Variants in PCDHA10 observed in about 807,000 individuals in gnomAD.
PCDHA10 encodes the protein protocadherin alpha 10.
A neutral mutation model predicts 61.2 loss-of-function variants in PCDHA10; 45 were observed. That is an observed-to-expected ratio of 0.74 (90% CI 0.58 to 0.94). PCDHA10 has a LOEUF of 0.94. Ranked by LOEUF, PCDHA10 falls within the 40% of genes least tolerant of loss-of-function variation. The pLI is 0.00. For synonymous variants in PCDHA10, 602 were observed against 548.8 expected, an observed-to-expected ratio of 1.10 and a Z score of -1.35; for missense variants, 1,278 against 1,236.2, an observed-to-expected ratio of 1.03 and a Z score of -0.51.
intron 1 of PCDHA10, among the ~76,000 whole-genome samples, chr5:140,916,262 G>C (rs1379588605): frequency 6.6e-6 from 1 of 152,202 alleles, no homozygotes; most frequent in Non-Finnish European, 1.5e-5. Flanking sequence ...GACCCCAAGA[G>C]CATGCTTGTT....
intron 1 of PCDHA10, among the ~76,000 whole-genome samples, chr5:140,881,799 C>A (rs368456285): frequency 3.3e-5 from 5 of 152,282 alleles, no homozygotes; most frequent in Admixed American, 2.0e-4. Flanking sequence ...TGTCCCAAAA[C>A]GAGTGTCGAA....
intron 1 of PCDHA10, among the ~76,000 whole-genome samples, chr5:140,964,195 T>C (rs2095816434): frequency 6.6e-6 from 1 of 152,216 alleles, no homozygotes; most frequent in South Asian, 2.1e-4. Context: ...AAATAGAGTA[T>C]ACCATCTCTT....
chr5:140,857,717 G>T lies in PCDHA10; in HGVS notation c.1669G>T (p.Glu557Ter). Residue 557 changes from glutamate (E) to a stop codon, truncating the protein, a stop_gained, in exon 1 of 4, where the codon GAG (glutamate) becomes TAG (stop). Transcript: ENST00000307360. LOFTEE classifies it high-confidence loss of function. ...GACGCTGCAGGTGTTCGTGCTGGAC[G>T]AGAACGACAACGCTCCCGCGCTGCT... ...NLTLQVFVLD[E>*]NDNAPALLAS... 6.3e-7 allele frequency: 1 copy of T among 1,597,518 alleles called. No individual in the cohort carries two copies. Among genetic ancestry groups the T allele is most frequent in the Non-Finnish European group, 8.6e-7 (1 of 1,167,758 alleles).
At chr5:141,006,637 T>C (rs782585273) in intron 3 of PCDHA10, among the ~76,000 whole-genome samples, 8 of 152,118 alleles carry the variant, frequency 5.3e-5, no homozygotes, top group Non-Finnish European at 1.2e-4. Flanking sequence ...GCAATTCATA[T>C]AAGAGATGAT....
At chr5:140,946,631 T>TATATGTATATAC (rs57893927) in intron 1 of PCDHA10, among the ~76,000 whole-genome samples, 2 of 131,846 alleles carry the variant, frequency 1.5e-5, no homozygotes, top group Non-Finnish European at 3.1e-5. Flanking sequence ...TATATATATA[T>TATATGTATATAC]ACAATGGAAT....
At chr5:140,881,361 C>T (rs990387338) in intron 1 of PCDHA10, 4 of 985,122 alleles carry the variant, frequency 4.1e-6, no homozygotes, top group Non-Finnish European at 2.4e-6. Context: ...GCGTGGCTTT[C>T]GTATGAATTG....
rs548391443 is a variant in PCDHA10, at chr5:140,892,979, C to T, written c.2388+34543C>T. Among the ~76,000 whole-genome samples, 6 of 152,224 alleles carry T rather than the reference C, an allele frequency of 3.9e-5. No individual in the cohort carries two copies. The South Asian group carries it at 1.2e-3, about 32-fold the overall frequency. On this transcript the variant is annotated intron_variant, in intron 1 of 3. Transcript: ENST00000307360. ...GAGCTCAATAAAATTTTGTAGCTGC[C>T]GTATAAGTGAGAACATGTATTTATT...
chr5:140,955,297 T>C (rs2153705828), intron 1 of PCDHA10, among the ~76,000 whole-genome samples: 1 of 152,262 alleles, frequency 6.6e-6, no homozygotes, highest in East Asian at 1.9e-4. Context: ...TTTGGCTGTG[T>C]CCCCACCCAA....
intron 1 of PCDHA10, among the ~76,000 whole-genome samples, chr5:140,952,338 CAAAA>C (rs55931446): frequency 9.9e-4 from 134 of 134,976 alleles, no homozygotes; most frequent in Admixed American, 2.2e-3. Context: ...AACTCCATCT[CAAAA>C]AAAAAAAAAA....
chr5:140,980,039 C>T (rs2096874436), intron 2 of PCDHA10, among the ~76,000 whole-genome samples: 1 of 152,184 alleles, frequency 6.6e-6, no homozygotes, highest in South Asian at 2.1e-4. Context: ...ACATTGGGTG[C>T]TATTTCTGAT....
chr5:140,861,378 C>A, intron 1 of PCDHA10: 1 of 421,170 alleles, frequency 2.4e-6, no homozygotes. Flanking sequence ...CCCTATTGCG[C>A]AGGACCTGGG....
At chr5:140,919,359 G>T (rs188480486) in intron 1 of PCDHA10, among the ~76,000 whole-genome samples, 3 of 152,146 alleles carry the variant, frequency 2.0e-5, no homozygotes, top group African/African-American at 7.2e-5. Context: ...ATCTAAAAGT[G>T]TCTCCTGCAG....
Position 140,923,994 on chromosome 5 carries a change from C to T in PCDHA10, c.2389-54955C>T, listed in dbSNP as rs147193427. ...ACATACTATCCCTCTAGGTGCAGCT[C>T]AGAATTCCTAAACCTGGTATAATTG... On this transcript the variant is annotated intron_variant, in intron 1 of 3. Transcript: ENST00000307360. Among the ~76,000 whole-genome samples the T allele has an allele frequency of 8.1e-3, 1,228 of 152,292 alleles. 6 individuals are homozygous for T. The highest frequency in any genetic ancestry group is 0.019 in the African/African-American group (795 of 41,560).
chr5:140,971,718 G>A (rs1554233569), intron 1 of PCDHA10, among the ~76,000 whole-genome samples: 3 of 151,796 alleles, frequency 2.0e-5, no homozygotes, highest in Non-Finnish European at 2.9e-5. Flanking sequence ...ATAGATATAT[G>A]TATATCATAC....
chr5:140,982,963 A>G (rs2097017646), intron 3 of PCDHA10, among the ~76,000 whole-genome samples: 1 of 151,972 alleles, frequency 6.6e-6, no homozygotes, highest in South Asian at 2.1e-4. Context: ...AAACCCACCC[A>G]AAGTAGTAAG....
chr5:140,884,271 C>T, intron 1 of PCDHA10: 1 of 1,613,540 alleles, frequency 6.2e-7, no homozygotes, highest in Non-Finnish European at 8.5e-7. Flanking sequence ...GTGCTGTTGT[C>T]GCTGGTGGAG....
intron 1 of PCDHA10, chr5:140,930,305 T>C (rs1554207723): frequency 6.6e-6 from 1 of 152,252 alleles, no homozygotes; most frequent in Non-Finnish European, 1.5e-5. Flanking sequence ...TAAGTAAATA[T>C]CATATTTGAG....
chr5:140,978,920 A>G, intron 1 of PCDHA10, 29 bp from the exon 2 acceptor site: 1 of 1,614,014 alleles, frequency 6.2e-7, no homozygotes, highest in Non-Finnish European at 8.5e-7. Context: ...TTGTCATTTT[A>G]ACAGAAAACT....
intron 1 of PCDHA10, chr5:140,876,569 G>C (rs1554168675): frequency 6.2e-7 from 1 of 1,614,186 alleles, no homozygotes; most frequent in Admixed American, 1.7e-5. Flanking sequence ...GCTCAGGTGG[G>C]TACCGTCATT....
Sources: gnomAD v4.1 joint callset for allele counts (sites outside exome capture counted in the v4.1 genomes callset) on GRCh38, gnomAD v4.1.1 for gene constraint, MANE v1.5 for transcripts, NCBI Gene and HGNC (gene_info 2026-07-23, HGNC 2026-07-21) for gene names.